PEA15: variants seen among roughly 807,000 people sequenced by gnomAD.
PEA15 encodes the protein proliferation and apoptosis adaptor protein 15, also known as astrocytic phosphoprotein PEA-15.
For synonymous variants in PEA15, 60 were observed against 61.8 expected, an observed-to-expected ratio of 0.97 and a Z score of 0.13; for missense variants, 77 against 161.3, an observed-to-expected ratio of 0.48 and a Z score of 2.83.
At chr1:160,211,056 G>A (rs1654856018) in intron 1 of PEA15, among the ~76,000 whole-genome samples, 1 of 152,120 alleles carries the variant, frequency 6.6e-6, no homozygotes, top group Non-Finnish European at 1.5e-5. Context: ...GAACACATGA[G>A]TTCCTACCAG....
In PEA15 at chr1:160,208,879, C is replaced by T. The variant is rs1654723211; in HGVS notation, c.-2-2664C>T. 11 of 556,002 alleles carry T rather than the reference C, an allele frequency of 2.0e-5. 1 individual carries two copies. In the South Asian group the frequency reaches 2.4e-4, roughly 12 times the overall value. The allele number at this position is 556,002 out of a possible 1,614,324, so 34.4% of individuals were successfully genotyped here. A position where few individuals can be genotyped will look rare whatever the true frequency, so the allele number is the denominator to read the frequency against. On this transcript the variant is annotated intron_variant, in intron 1 of 3. Coordinates refer to ENST00000360472, the MANE Select transcript of PEA15 (RefSeq NM_003768.5). This position sits in a 1 kb window ranked among gnomAD's most constrained non-coding sequence, Gnocchi z 4.1. Reference sequence around the variant, plus strand: ...ACTCCTCCCATCTAGTGGTGTCATCCTAACGACTGGGGGTGGGGGGCACCC... The same window carrying T: ...ACTCCTCCCATCTAGTGGTGTCATCTTAACGACTGGGGGTGGGGGGCACCC...
chr1:160,211,579 C>A lies in PEA15; in HGVS notation c.35C>A (p.Thr12Asn), dbSNP rs143347102. Residue 12 changes from threonine to asparagine, a missense_variant, in exon 2 of 4, where the codon ACC becomes AAC. Transcript: ENST00000360472. ...AEYGTLLQDL[T>N]NNITLEDLEQ... ...TACGGGACCCTCCTGCAAGACCTGA[C>A]CAACAACATCACCCTTGAAGATCTA... The A allele has an allele frequency of 3.7e-4, 593 of 1,613,644 alleles. No homozygotes were observed. Among genetic ancestry groups the A allele is most frequent in the Non-Finnish European group, 4.4e-4 (523 of 1,179,804 alleles).
rs775061852 is a variant in PEA15, at chr1:160,209,950, T to C, written c.-2-1593T>C. Among the ~76,000 whole-genome samples the C allele has an allele frequency of 3.9e-5, 6 of 152,370 alleles. No homozygotes were observed. In the South Asian group the frequency reaches 1.2e-3, roughly 32 times the overall value. On this transcript the variant is annotated intron_variant, in intron 1 of 3. Coordinates refer to ENST00000360472, the MANE Select transcript of PEA15 (RefSeq NM_003768.5). Reference sequence around the variant, plus strand: ...TGGCAGGGCCACTGCTGGGCCCTTCTGTCTGGTTGCACCTGGGTGTGCAAC... The same window carrying C: ...TGGCAGGGCCACTGCTGGGCCCTTCCGTCTGGTTGCACCTGGGTGTGCAAC...
At chr1:160,210,426 G>A (rs1654820349) in intron 1 of PEA15, among the ~76,000 whole-genome samples, 1 of 152,236 alleles carries the variant, frequency 6.6e-6, no homozygotes, top group South Asian at 2.1e-4. Context: ...CTTACCACTA[G>A]TGTCACATTT....
At chr1:160,206,284 T>C (rs2101686757) in intron 1 of PEA15, 1 of 152,418 alleles carries the variant, frequency 6.6e-6, no homozygotes, top group Admixed American at 6.5e-5. Flanking sequence ...ACAGGACAGC[T>C]GAGTGGACAG....
rs569561993 is a variant in PEA15, at chr1:160,213,498, G to A, written c.*12G>A. The stretch of plus-strand genomic sequence containing the variant: ...CGAAGAAGGCCTGAGCAAGGGGGAG[G>A]AAGAGGAGGAAGGTTGGACCTTCAT... On this transcript the variant is annotated 3_prime_UTR_variant, in exon 4 of 4. Coordinates refer to ENST00000360472, the MANE Select transcript of PEA15 (RefSeq NM_003768.5). This position sits in a 1 kb window ranked among gnomAD's most constrained non-coding sequence, Gnocchi z 5.3. 6.2e-7 allele frequency: 1 copy of A among 1,612,746 alleles called. No individual in the cohort carries two copies. The highest frequency in any genetic ancestry group is 2.2e-5 in the East Asian group (1 of 44,864).
In PEA15 at chr1:160,208,751, A is replaced by G; in HGVS notation, c.-2-2792A>G. 7.6e-6 allele frequency: 9 copies of G among 1,180,616 alleles called. No individual in the cohort carries two copies. Among genetic ancestry groups the G allele is most frequent in the Non-Finnish European group, 1.1e-5 (9 of 813,754 alleles). The allele number at this position is 1,180,616 out of a possible 1,614,324, so 73.1% of individuals were successfully genotyped here. A position where few individuals can be genotyped will look rare whatever the true frequency, so the allele number is the denominator to read the frequency against. The stretch of plus-strand genomic sequence containing the variant: ...CTTCTGCCATACTAAGGCCTAGGCA[A>G]ATGGATCTCTCCAAGAAGGGAGGCA... On this transcript the variant is annotated intron_variant, in intron 1 of 3. Transcript: ENST00000360472. The surrounding 1 kb of genome is among the most constrained non-coding windows in gnomAD (Gnocchi z 4.1).
At chr1:160,210,514 G>C (rs572319819) in intron 1 of PEA15, among the ~76,000 whole-genome samples, 1 of 152,166 alleles carries the variant, frequency 6.6e-6, no homozygotes, top group Non-Finnish European at 1.5e-5. Flanking sequence ...TTAGTGGAAG[G>C]AAGGCCTTGA....
chr1:160,208,790 T>C lies in PEA15; in HGVS notation c.-2-2753T>C. ...AGAAGGGAGGCAACTGGGCTGCCTTTCCTTGTACCGTCAGGGGGCCTTATT... is the reference window on the plus strand; with the variant it reads ...AGAAGGGAGGCAACTGGGCTGCCTTCCCTTGTACCGTCAGGGGGCCTTATT... On this transcript the variant is annotated intron_variant, in intron 1 of 3. Transcript: ENST00000360472. The surrounding 1 kb of genome is among the most constrained non-coding windows in gnomAD (Gnocchi z 4.1). 1.3e-6 allele frequency: 1 copy of C among 778,328 alleles called. No homozygotes were observed. The highest frequency in any genetic ancestry group is 2.2e-6 in the Non-Finnish European group (1 of 464,336). The allele number at this position is 778,328 out of a possible 1,614,324, so 48.2% of individuals were successfully genotyped here.
chr1:160,213,631 T>TGTGCGC lies in PEA15; in HGVS notation c.*146_*151dup, dbSNP rs1452183637. ...CCCTTACTGTGCGCGTGTGTGTGCG[T>TGTGCGC]GTGCGCACGCTCTGGCTGTTTGTCT... On this transcript the variant is annotated 3_prime_UTR_variant, in exon 4 of 4. Transcript: ENST00000360472. The surrounding 1 kb of genome is among the most constrained non-coding windows in gnomAD (Gnocchi z 5.3). 6.2e-6 allele frequency: 3 copies of TGTGCGC among 482,938 alleles called. No individual in the cohort carries two copies. Among genetic ancestry groups the TGTGCGC allele is most frequent in the African/African-American group, 2.0e-5 (1 of 49,000 alleles). The allele number at this position is 482,938 out of a possible 1,614,324, so 29.9% of individuals were successfully genotyped here.
rs1187458220 is a variant in PEA15 at position 160,213,655 on chromosome 1, CTA to C, written c.*173_*174del. ...GTGTGCGCACGCTCTGGCTGTTTGT[CTA>C]TATGTCTAGCTCATCTAGTTCCTCT... On this transcript the variant is annotated 3_prime_UTR_variant, in exon 4 of 4. Coordinates refer to ENST00000360472, the MANE Select transcript of PEA15 (RefSeq NM_003768.5). This position sits in a 1 kb window ranked among gnomAD's most constrained non-coding sequence, Gnocchi z 5.3. The C allele has an allele frequency of 1.1e-5, 4 of 356,166 alleles. No individual in the cohort carries two copies. The highest frequency in any genetic ancestry group is 1.1e-4 in the Admixed American group (3 of 27,208). 22.1% of individuals were successfully genotyped at this position (356,166 alleles called of 1,614,324 possible). A position where few individuals can be genotyped will look rare whatever the true frequency, so the allele number is the denominator to read the frequency against.
At chr1:160,210,434 T>A (rs942294799) in intron 1 of PEA15, among the ~76,000 whole-genome samples, 1 of 152,272 alleles carries the variant, frequency 6.6e-6, no homozygotes, top group Non-Finnish European at 1.5e-5. Context: ...TAGTGTCACA[T>A]TTTATCAAAT....
Position 160,208,428 on chromosome 1 carries a change from C to T in PEA15, c.-3+2906C>T, listed in dbSNP as rs116251597. On this transcript the variant is annotated intron_variant, in intron 1 of 3. Transcript: ENST00000360472. This position sits in a 1 kb window ranked among gnomAD's most constrained non-coding sequence, Gnocchi z 4.1. ...ACTGACTTCCTGGCAGCCGGGGCTC[C>T]GGTTCCTGATTCCTGCCCTGGTATC... The T allele has an allele frequency of 2.2e-3, 1,325 of 602,666 alleles. 15 individuals carry two copies. Among genetic ancestry groups the T allele is most frequent in the African/African-American group, 0.021 (1,140 of 54,030 alleles). 37.3% of individuals were successfully genotyped at this position (602,666 alleles called of 1,614,324 possible).
rs1225056868 is a variant in PEA15, at chr1:160,213,281, T to G, written c.328+16T>G. ...AAGTACAAAGGTAAGCGGCCACTCC[T>G]TTAACTAGCTGCACCTCTGCCTCGT... On this transcript the variant is annotated intron_variant, in intron 3 of 3. Transcript: ENST00000360472. The surrounding 1 kb of genome is among the most constrained non-coding windows in gnomAD (Gnocchi z 5.3). 3 of 1,614,050 alleles carry G rather than the reference T, an allele frequency of 1.9e-6. No homozygotes were observed. Among genetic ancestry groups the G allele is most frequent in the Non-Finnish European group, 2.5e-6 (3 of 1,180,030 alleles).
chr1:160,213,453 C>T lies in PEA15; in HGVS notation c.360C>T (p.Ile120=), dbSNP rs1475723282. The T allele has an allele frequency of 6.2e-7, 1 of 1,613,882 alleles. No homozygotes were observed. ...TCCGGCAGCCCTCTGAGGAAGAGAT[C>T]ATCAAATTGGCTCCCCCACCGAAGA... ...DIIRQPSEEE[I]IKLAPPPKKA Residue 120 remains isoleucine, a synonymous_variant, in exon 4 of 4, where the codon ATC becomes ATT. Coordinates refer to ENST00000360472, the MANE Select transcript of PEA15 (RefSeq NM_003768.5). The surrounding 1 kb of genome is among the most constrained non-coding windows in gnomAD (Gnocchi z 5.3).
At position 160,208,769 on chromosome 1, in the gene PEA15, G is replaced by A; in HGVS notation, c.-2-2774G>A. The A allele has an allele frequency of 2.0e-6, 2 of 1,011,252 alleles. No homozygotes were observed. Among genetic ancestry groups the A allele is most frequent in the South Asian group, 2.8e-5 (2 of 71,744 alleles). 62.6% of individuals were successfully genotyped at this position (1,011,252 alleles called of 1,614,324 possible). On this transcript the variant is annotated intron_variant, in intron 1 of 3. Coordinates refer to ENST00000360472, the MANE Select transcript of PEA15 (RefSeq NM_003768.5). The surrounding 1 kb of genome is among the most constrained non-coding windows in gnomAD (Gnocchi z 4.1). ...CTAGGCAAATGGATCTCTCCAAGAA[G>A]GGAGGCAACTGGGCTGCCTTTCCTT...
Position 160,208,812 on chromosome 1 carries a change from T to A in PEA15, c.-2-2731T>A. The A allele has an allele frequency of 6.1e-6, 4 of 659,288 alleles. No homozygotes were observed. The highest frequency in any genetic ancestry group is 1.1e-5 in the Non-Finnish European group (4 of 373,110). 40.8% of individuals were successfully genotyped at this position (659,288 alleles called of 1,614,324 possible). On this transcript the variant is annotated intron_variant, in intron 1 of 3. Coordinates refer to ENST00000360472, the MANE Select transcript of PEA15 (RefSeq NM_003768.5). The surrounding 1 kb of genome is among the most constrained non-coding windows in gnomAD (Gnocchi z 4.1). ...CTTTCCTTGTACCGTCAGGGGGCCT[T>A]ATTCCTATCCTTTCTGTCCCTTCTT...
intron 1 of PEA15, chr1:160,211,186 A>G (rs1654862001): frequency 3.5e-6 from 2 of 563,560 alleles, no homozygotes; most frequent in Non-Finnish European, 4.5e-6. Flanking sequence ...CTGAGGGGGG[A>G]CTTGGAGAGA....
intron 2 of PEA15, among the ~76,000 whole-genome samples, chr1:160,212,626 T>G (rs1654924071): frequency 6.6e-6 from 1 of 152,066 alleles, no homozygotes; most frequent in African/African-American, 2.4e-5. Flanking sequence ...GTCCTTCTGG[T>G]GGTGTCCATA....
Sources: allele counts gnomAD v4.1 joint callset (sites outside exome capture counted in the v4.1 genomes callset), GRCh38; gene constraint gnomAD v4.1.1; non-coding constraint Gnocchi (gnomAD v3.1); transcripts MANE v1.5; gene names NCBI Gene and HGNC (gene_info 2026-07-23, HGNC 2026-07-21).